The following NCOR1 variants were observed in gnomAD, a reference collection of about 807,000 sequenced individuals.
NCOR1 encodes protein phosphatase 1, regulatory subunit 109.
In NCOR1, 63 loss-of-function variants were observed where a neutral mutation model predicts 288.1. The ratio of observed to expected loss-of-function variants is 0.22; its 90% CI spans 0.18 to 0.27. The LOEUF (loss-of-function observed/expected upper bound fraction) is 0.27. Ranked by LOEUF, NCOR1 falls within the 10% of genes least tolerant of loss-of-function variation. NCOR1 has a pLI of 1.00. For missense variants in NCOR1, 2,397 were observed against 3,019.2 expected (o/e 0.79, Z 4.83); for synonymous variants, 1,007 against 1,065.9 (o/e 0.94, Z 1.08).
At chr17:16,125,401 T>C (rs534228947) in intron 15 of NCOR1, among the ~76,000 whole-genome samples, 1 of 150,888 alleles carries the variant, frequency 6.6e-6, no homozygotes, top group African/African-American at 2.4e-5. Flanking sequence ...GCAGATTAAA[T>C]TTCATTATTT....
intron 17 of NCOR1, among the ~76,000 whole-genome samples, 173 bp downstream of exon 17, chr17:16,119,250 C>A (rs1419964113): frequency 6.6e-6 from 1 of 152,124 alleles, no homozygotes; most frequent in Non-Finnish European, 1.5e-5. Context: ...ACTGGGGGTA[C>A]TTTATTGGGT....
chr17:16,038,269 G>GT (rs943039541), intron 44 of NCOR1, among the ~76,000 whole-genome samples: 2 of 152,020 alleles, frequency 1.3e-5, no homozygotes, highest in Non-Finnish European at 2.9e-5. Context: ...GATTATTATG[G>GT]TTTTTTTGTG....
intron 5 of NCOR1, among the ~76,000 whole-genome samples, chr17:16,163,679 C>T (rs1465632030): frequency 2.0e-5 from 3 of 152,180 alleles, no homozygotes; most frequent in African/African-American, 7.2e-5. Context: ...TGTAAAAATA[C>T]GACCACACAA....
chr17:16,059,725 G>T (rs2152567847), intron 37 of NCOR1, among the ~76,000 whole-genome samples: 1 of 152,302 alleles, frequency 6.6e-6, no homozygotes, highest in African/African-American at 2.4e-5. Context: ...GAGCTCCAAA[G>T]GGTGCATGGC....
intron 14 of NCOR1, 53 bp downstream of exon 14, chr17:16,137,258 T>G: frequency 8.4e-7 from 1 of 1,189,160 alleles, no homozygotes; most frequent in East Asian, 2.4e-5. Flanking sequence ...CACTTTTTGC[T>G]TGCCTATTTC....
chr17:16,092,681 ATATATATATATATATTT>A lies in NCOR1; in HGVS notation c.2821-640_2821-624del, dbSNP rs1185413114. Among the ~76,000 whole-genome samples, 45 of 19,952 alleles carry A rather than the reference ATATATATATATATATTT, an allele frequency of 2.3e-3. 3 individuals carry two copies. The highest frequency in any genetic ancestry group is 9.1e-3 in the African/African-American group (39 of 4,302). 13.1% of individuals were successfully genotyped at this position (19,952 alleles called of 152,430 possible). A position where few individuals can be genotyped will look rare whatever the true frequency, so the allele number is the denominator to read the frequency against. ...TATATATATATATATATATATATATATATATATATATATATTTTTTTTTTTTTTTTTTTTTAAGACAT... is the reference window on the plus strand; with the variant it reads ...TATATATATATATATATATATATATATTTTTTTTTTTTTTTTTTAAGACAT... On this transcript the variant is annotated intron_variant, in intron 21 of 45. Coordinates refer to ENST00000268712, the MANE Select transcript of NCOR1 (RefSeq NM_006311.4).
At chr17:16,182,460 A>AT (rs896083712) in intron 3 of NCOR1, among the ~76,000 whole-genome samples, 37 of 151,826 alleles carry the variant, frequency 2.4e-4, no homozygotes, top group Admixed American at 1.8e-3. Context: ...TTACTTATTT[A>AT]TTTTTTTTGT....
intron 21 of NCOR1, 65 bp from the exon 22 acceptor site, chr17:16,092,123 G>A: frequency 2.0e-6 from 3 of 1,526,770 alleles, no homozygotes; most frequent in Non-Finnish European, 2.7e-6. Flanking sequence ...CTCTTAACAA[G>A]TAATGTAATG....
chr17:16,143,707 G>A lies in NCOR1; in HGVS notation c.1083-11C>T, dbSNP rs748714453. ...CCCCTCTGCCCAACTCTAAACATGA[G>A]GGAGAAATTAAAAATATATTTAAAG... On this transcript the variant is annotated splice_polypyrimidine_tract_variant and intron_variant, in intron 10 of 45. Coordinates refer to ENST00000268712, the MANE Select transcript of NCOR1 (RefSeq NM_006311.4). 1.3e-6 allele frequency: 2 copies of A among 1,593,500 alleles called. No individual in the cohort carries two copies. The highest frequency in any genetic ancestry group is 1.3e-5 in the African/African-American group (1 of 74,274).
At chr17:16,186,530 G>A (rs1204676799) in intron 3 of NCOR1, 24 bp downstream of exon 3, 2 of 1,602,452 alleles carry the variant, frequency 1.2e-6, no homozygotes, top group Middle Eastern at 1.7e-4. Context: ...ATCCTAGATA[G>A]AAACATAAAA....
At chr17:16,151,264 T>C (rs757302446) in intron 8 of NCOR1, among the ~76,000 whole-genome samples, 3 of 152,004 alleles carry the variant, frequency 2.0e-5, no homozygotes, top group Admixed American at 6.6e-5. Context: ...ATCAAGAAAT[T>C]AGATTTTCTT....
At chr17:16,087,879 C>T (rs1447681028) in intron 22 of NCOR1, among the ~76,000 whole-genome samples, 1 of 152,132 alleles carries the variant, frequency 6.6e-6, no homozygotes, top group African/African-American at 2.4e-5. Flanking sequence ...ATGAAAATTA[C>T]TTCTCATGTA....
chr17:16,068,359 G>C (rs2061363851), intron 31 of NCOR1: 1 of 481,430 alleles, frequency 2.1e-6, no homozygotes, highest in Admixed American at 3.6e-5. Flanking sequence ...CATAGCACCA[G>C]TATTTTACCA....
chr17:16,176,062 C>CA (rs1176539449), intron 3 of NCOR1, among the ~76,000 whole-genome samples: 1 of 151,336 alleles, frequency 6.6e-6, no homozygotes, highest in African/African-American at 2.4e-5. Flanking sequence ...ACTAAAAATA[C>CA]AAAAAAATTA....
chr17:16,159,759 T>C (rs763751906), intron 5 of NCOR1, among the ~76,000 whole-genome samples: 3 of 151,994 alleles, frequency 2.0e-5, no homozygotes, highest in Non-Finnish European at 4.4e-5. Context: ...GCTAACTGTA[T>C]TACCGTGCCT....
chr17:16,214,530 TATACTA>T (rs2153633738), intron 1 of NCOR1, among the ~76,000 whole-genome samples: 1 of 152,332 alleles, frequency 6.6e-6, no homozygotes, highest in South Asian at 2.1e-4. Flanking sequence ...TAGAATTACC[TATACTA>T]CTACTCTCCA....
intron 1 of NCOR1, among the ~76,000 whole-genome samples, chr17:16,197,730 C>A (rs2090098517): frequency 6.6e-6 from 1 of 152,190 alleles, no homozygotes; most frequent in Non-Finnish European, 1.5e-5. Context: ...ATTAAAACCA[C>A]CTGAGGAGCT....
At position 16,144,580 on chromosome 17, in the gene NCOR1, C is replaced by T. The variant is rs936329155; in HGVS notation, c.1083-884G>A. Among the ~76,000 whole-genome samples, 10 of 151,634 alleles carry T rather than the reference C, an allele frequency of 6.6e-5. No individual in the cohort carries two copies. The South Asian group carries it at 1.9e-3, about 28-fold the overall frequency. On this transcript the variant is annotated intron_variant, in intron 10 of 45. Transcript: ENST00000268712. ...GTACCCACTAGCTATTTTTCCTGAA[C>T]CCTCTCCCTCCTTCCATCCTCCACC...
intron 5 of NCOR1, among the ~76,000 whole-genome samples, chr17:16,161,409 T>C (rs150970554): frequency 0.078 from 11,795 of 152,002 alleles, 673 homozygotes; most frequent in African/African-American, 0.17. Context: ...CCTACCTCAG[T>C]CTCCCAAGTA....
Sources: gnomAD v4.1 joint callset for allele counts (sites outside exome capture counted in the v4.1 genomes callset) on GRCh38, gnomAD v4.1.1 for gene constraint, MANE v1.5 for transcripts, NCBI Gene and HGNC (gene_info 2026-07-23, HGNC 2026-07-21) for gene names.